Variants in ZNF385D observed in about 807,000 individuals in gnomAD.
ZNF385D encodes the protein zinc finger protein 385D, also known as zinc finger protein 659.
ZNF385D carries 15 observed loss-of-function variants against 35.8 expected under a neutral mutation model. The ratio of observed to expected loss-of-function variants is 0.42; its 90% confidence interval spans 0.28 to 0.64. The LOEUF (loss-of-function observed/expected upper bound fraction) is 0.64, where lower values mean the gene tolerates loss of function less well. Among genes scored for constraint, ZNF385D ranks in the 30% least tolerant of loss-of-function variants. The pLI, the probability that ZNF385D is intolerant of heterozygous loss-of-function variation, is 0.23. For missense variants in ZNF385D, 474 were observed against 494.6 expected (o/e 0.96, Z 0.39); for synonymous variants, 212 against 186.8 (o/e 1.13, Z -1.10).
intron 2 of ZNF385D, among the ~76,000 whole-genome samples, chr3:22,226,908 A>G (rs1297952852): frequency 2.0e-5 from 3 of 152,166 alleles, no homozygotes; most frequent in Non-Finnish European, 2.9e-5. Context: ...ATCTTGAATC[A>G]TATCATTGAG....
chr3:22,059,367 G>A (rs1221911374), intron 3 of ZNF385D, among the ~76,000 whole-genome samples: 1 of 152,168 alleles, frequency 6.6e-6, no homozygotes, highest in Non-Finnish European at 1.5e-5. Flanking sequence ...GTGAGTCTAT[G>A]TTGCAGCCAG....
Position 21,664,958 on chromosome 3 carries a change from C to T in ZNF385D, c.93G>A (p.Leu31=), listed in dbSNP as rs1338177623. The T allele has an allele frequency of 1.2e-6, 2 of 1,613,512 alleles. No homozygotes were observed. Among genetic ancestry groups the T allele is most frequent in the Non-Finnish European group, 1.7e-6 (2 of 1,179,716 alleles). ...GAAAGGGAAGAAATGGTTTAATATC[C>T]AGCGATGGTTGCAAAGGAGGGGCTG... ...RPPAPPLQPS[L]DIKPFLPFPL... is the part of the protein sequence containing the mutation. The change falls in exon 2 of 8, where the codon CTG becomes CTA. Residue 31 remains leucine (L), a synonymous_variant. Coordinates refer to ENST00000281523, the MANE Select transcript of ZNF385D (RefSeq NM_024697.3).
At chr3:21,981,892 T>C (rs1576076178) in intron 3 of ZNF385D, among the ~76,000 whole-genome samples, 1 of 152,162 alleles carries the variant, frequency 6.6e-6, no homozygotes, top group Non-Finnish European at 1.5e-5. Flanking sequence ...GCCTTATTTC[T>C]GGGCTTTCTA....
intron 3 of ZNF385D, among the ~76,000 whole-genome samples, chr3:22,114,763 T>A (rs544689704): frequency 4.6e-5 from 7 of 152,180 alleles, no homozygotes; most frequent in African/African-American, 1.7e-4. Flanking sequence ...CCTCCAAAAT[T>A]CATGTTGAAA....
intron 3 of ZNF385D, among the ~76,000 whole-genome samples, chr3:21,920,712 T>C (rs891013304): frequency 6.6e-5 from 10 of 151,436 alleles, no homozygotes; most frequent in Middle Eastern, 3.2e-3. Flanking sequence ...GTAAATATAA[T>C]TGATGAAGTT....
rs138756382 is a variant in ZNF385D, at chr3:22,300,673, C to G, written c.106+71777G>C. 2.7e-3 allele frequency among the ~76,000 whole-genome samples: 408 copies of G among 151,970 alleles called. 1 individual carries two copies. The Middle Eastern group carries it at 0.027, about 10-fold the overall frequency. Reference sequence around the variant, plus strand: ...CTAAAGAAGGCATACAAATGACCAACAGGTACATTAAAAACGTTCAATATC... The same window carrying G: ...CTAAAGAAGGCATACAAATGACCAAGAGGTACATTAAAAACGTTCAATATC... On this transcript the variant is annotated intron_variant, in intron 2 of 5. Transcript: ENST00000494108.
chr3:21,899,696 C>T (rs1699305267), intron 3 of ZNF385D, among the ~76,000 whole-genome samples: 1 of 152,088 alleles, frequency 6.6e-6, no homozygotes, highest in Non-Finnish European at 1.5e-5. Flanking sequence ...TAAAGGTTTA[C>T]TGCTTTATAT....
intron 1 of ZNF385D, among the ~76,000 whole-genome samples, chr3:21,729,329 GT>G (rs1163358296): frequency 1.3e-5 from 2 of 152,104 alleles, no homozygotes; most frequent in Non-Finnish European, 1.5e-5. Flanking sequence ...TGATTTGCTA[GT>G]CTTTGGCTAA....
At chr3:22,295,387 C>T (rs1041223337) in intron 2 of ZNF385D, among the ~76,000 whole-genome samples, 8 of 152,128 alleles carry the variant, frequency 5.3e-5, no homozygotes, top group African/African-American at 1.9e-4. Context: ...ACAGTGCCAC[C>T]TCACATGCCT....
chr3:22,044,704 G>C lies in ZNF385D; in HGVS notation c.325+124113C>G, dbSNP rs146797324. Among the ~76,000 whole-genome samples the C allele has an allele frequency of 1.9e-3, 292 of 152,186 alleles. 3 individuals are homozygous for C. In the East Asian group the frequency reaches 0.023, roughly 12 times the overall value. ...AGCCATTTGGTTAACCTGCTCTATT[G>C]GGAAGGAAGGTGGAGAGAATGGATA... On this transcript the variant is annotated intron_variant, in intron 3 of 5. Coordinates refer to the ZNF385D transcript ENST00000494108.
intron 2 of ZNF385D, among the ~76,000 whole-genome samples, chr3:22,253,318 G>T (rs1700155678): frequency 6.6e-6 from 1 of 151,892 alleles, no homozygotes; most frequent in Non-Finnish European, 1.5e-5. Flanking sequence ...GACTGTAATT[G>T]AAACCATAAG....
chr3:21,961,433 T>A (rs1190378372), intron 3 of ZNF385D: 1 of 152,066 alleles, frequency 6.6e-6, no homozygotes, highest in Non-Finnish European at 1.5e-5. Flanking sequence ...GCCAAAAAAA[T>A]TGTTTAAAAA....
intron 2 of ZNF385D, among the ~76,000 whole-genome samples, chr3:22,185,752 C>A (rs939517813): frequency 2.6e-5 from 4 of 152,212 alleles, no homozygotes; most frequent in Admixed American, 2.0e-4. Flanking sequence ...AGGTGTGAGC[C>A]ACCATGCCCT....
At chr3:21,584,007 C>A (rs2063741921) in intron 2 of ZNF385D, among the ~76,000 whole-genome samples, 1 of 130,982 alleles carries the variant, frequency 7.6e-6, no homozygotes, top group Admixed American at 7.9e-5. Flanking sequence ...CAGAGTTTTG[C>A]CTGTCGCCCA....
intron 3 of ZNF385D, among the ~76,000 whole-genome samples, chr3:22,123,096 A>T (rs976309110): frequency 6.6e-6 from 1 of 152,098 alleles, no homozygotes; most frequent in Non-Finnish European, 1.5e-5. Context: ...TGATAGAAAC[A>T]CTCTGGATGA....
intron 3 of ZNF385D, among the ~76,000 whole-genome samples, chr3:21,997,049 T>A (rs1497930): frequency 0.55 from 82,507 of 149,318 alleles, 24,393 homozygotes; most frequent in African/African-American, 0.79. Context: ...GGAACAGTTT[T>A]AAAAAAAAAC....
chr3:21,808,148 TAAGAAA>T (rs2072738200), intron 3 of ZNF385D, among the ~76,000 whole-genome samples: 1 of 152,152 alleles, frequency 6.6e-6, no homozygotes, highest in Admixed American at 6.5e-5. Flanking sequence ...TGACACAGGA[TAAGAAA>T]ATCCTTTAGT....
At chr3:21,528,098 C>A (rs1575110715) in intron 3 of ZNF385D, among the ~76,000 whole-genome samples, 1 of 152,070 alleles carries the variant, frequency 6.6e-6, no homozygotes, top group East Asian at 1.9e-4. Context: ...CTCCCTGTCT[C>A]CAAAGTTCAT....
At chr3:22,012,027 A>C (rs1696605259) in intron 3 of ZNF385D, among the ~76,000 whole-genome samples, 1 of 152,144 alleles carries the variant, frequency 6.6e-6, no homozygotes, top group African/African-American at 2.4e-5. Flanking sequence ...GTACATGTGC[A>C]TGATATTATC....
Sources: allele counts gnomAD v4.1 joint callset (sites outside exome capture counted in the v4.1 genomes callset), GRCh38; gene constraint gnomAD v4.1.1; transcripts MANE v1.5; gene names NCBI Gene and HGNC (gene_info 2026-07-23, HGNC 2026-07-21).